The following PHF24 variants were observed in gnomAD, a reference collection of about 807,000 sequenced individuals.
The protein encoded by PHF24 is PHD finger protein 24.
In PHF24, 25 loss-of-function variants were observed where a neutral mutation model predicts 42.6. The observed-to-expected ratio is 0.59, with a 90% CI of 0.43 to 0.82. The LOEUF (loss-of-function observed/expected upper bound fraction) is 0.82, where lower values mean the gene tolerates loss of function less well. PHF24 is among the 40% of genes least tolerant of loss of function. The pLI, the probability that PHF24 is intolerant of heterozygous loss-of-function variation, is 0.00. For missense variants in PHF24, 470 were observed against 538.1 expected (o/e 0.87, Z 1.25); for synonymous variants, 185 against 204.8 (o/e 0.90, Z 0.83).
chr9:34,933,169 A>G, the PHF24 span, among the ~76,000 whole-genome samples: 3 of 152,198 alleles, frequency 2.0e-5, no homozygotes, highest in Admixed American at 6.5e-5. Flanking sequence ...CTCCAAGAAC[A>G]ATGCCTGATA....
chr9:34,782,542 T>C, the PHF24 span, among the ~76,000 whole-genome samples: 1 of 152,220 alleles, frequency 6.6e-6, no homozygotes, highest in Non-Finnish European at 1.5e-5. Context: ...TGCCTTCCAG[T>C]CCAGTGACTC....
At chr9:34,871,338 A>G in the PHF24 span, among the ~76,000 whole-genome samples, 2 of 152,200 alleles carry the variant, frequency 1.3e-5, no homozygotes, top group Non-Finnish European at 2.9e-5. Flanking sequence ...TTTGGATAGC[A>G]GTCCTTTACC....
the PHF24 span, among the ~76,000 whole-genome samples, chr9:34,897,903 G>T: frequency 6.6e-6 from 1 of 152,058 alleles, no homozygotes; most frequent in African/African-American, 2.4e-5. Flanking sequence ...TAGCTCCAAC[G>T]TATCAGTGAG....
At chr9:34,888,943 G>C in the PHF24 span, 3 of 396,812 alleles carry the variant, frequency 7.6e-6, no homozygotes, top group Non-Finnish European at 1.3e-5. Flanking sequence ...GTGGAATGCT[G>C]ACCCATCTGA....
chr9:34,723,136 G>A, the PHF24 span: 1 of 1,402,832 alleles, frequency 7.1e-7, no homozygotes, highest in Non-Finnish European at 9.5e-7. Flanking sequence ...TCCTCTGGAG[G>A]GCTGCAGCAG....
chr9:34,832,501 T>G, the PHF24 span: 233 of 1,512,944 alleles, frequency 1.5e-4, 3 homozygotes, highest in South Asian at 2.9e-3. Context: ...CCTGTCGGCT[T>G]CTCTGTCTTA....
chr9:34,977,773 C>T (rs953221178), intron 7 of PHF24, 132 bp downstream of exon 7: 4 of 820,676 alleles, frequency 4.9e-6, no homozygotes, highest in Non-Finnish European at 5.9e-6. Context: ...TCCAAGAGTG[C>T]ACATTTGACC....
the PHF24 span, chr9:34,836,146 C>T: frequency 1.9e-5 from 8 of 425,274 alleles, no homozygotes; most frequent in South Asian, 1.4e-4. Flanking sequence ...TTCCCTAGTC[C>T]TGCAAGTCTA....
the PHF24 span, chr9:34,833,590 C>G: frequency 7.7e-6 from 12 of 1,549,980 alleles, no homozygotes; most frequent in South Asian, 1.4e-4. Flanking sequence ...TGGGAATTCC[C>G]CATTGTATCT....
the PHF24 span, among the ~76,000 whole-genome samples, chr9:34,766,065 G>T: frequency 3.3e-5 from 5 of 152,306 alleles, no homozygotes; most frequent in African/African-American, 1.2e-4. Flanking sequence ...TCTGCTGAGA[G>T]ATCCGCTGTT....
the PHF24 span, among the ~76,000 whole-genome samples, chr9:34,891,460 G>C: frequency 6.6e-6 from 1 of 152,190 alleles, no homozygotes; most frequent in Non-Finnish European, 1.5e-5. Flanking sequence ...TGCCACAGTG[G>C]ATCAGAGAAG....
At chr9:34,948,569 G>A in the PHF24 span, among the ~76,000 whole-genome samples, 1 of 152,174 alleles carries the variant, frequency 6.6e-6, no homozygotes, top group South Asian at 2.1e-4. Flanking sequence ...ACAAATGCCT[G>A]CAGTATTCAG....
At chr9:34,677,387 C>CTTTTTT in the PHF24 span, among the ~76,000 whole-genome samples, 8 of 110,942 alleles carry the variant, frequency 7.2e-5, no homozygotes, top group Non-Finnish European at 1.1e-4. Context: ...TCTTTGTAAA[C>CTTTTTT]TGTTTTTTTT....
chr9:34,742,755 G>A, the PHF24 span, among the ~76,000 whole-genome samples: 1 of 151,714 alleles, frequency 6.6e-6, no homozygotes, highest in Non-Finnish European at 1.5e-5. Flanking sequence ...TTTAAACAGG[G>A]TGAAAAATTA....
At chr9:34,833,477 T>C in the PHF24 span, 4 of 1,550,406 alleles carry the variant, frequency 2.6e-6, no homozygotes, top group East Asian at 9.8e-5. Flanking sequence ...GGGCAGTTCC[T>C]GGAGCAATGT....
the PHF24 span, among the ~76,000 whole-genome samples, chr9:34,774,688 G>A: frequency 5.9e-5 from 9 of 152,176 alleles, no homozygotes; most frequent in African/African-American, 1.7e-4. Flanking sequence ...CAGGAGAATC[G>A]CTTGAACCTG....
the PHF24 span, among the ~76,000 whole-genome samples, chr9:34,736,312 A>C: frequency 6.6e-6 from 1 of 152,086 alleles, no homozygotes; most frequent in Non-Finnish European, 1.5e-5. Context: ...AAAAAAGAAA[A>C]ACAACTTTTT....
At chr9:34,927,831 G>A in the PHF24 span, among the ~76,000 whole-genome samples, 1 of 152,056 alleles carries the variant, frequency 6.6e-6, no homozygotes, top group Non-Finnish European at 1.5e-5. Flanking sequence ...CCTTTCTTGT[G>A]GGATAGATGA....
chr9:34,695,018 T>C, the PHF24 span, among the ~76,000 whole-genome samples: 1 of 152,338 alleles, frequency 6.6e-6, no homozygotes, highest in African/African-American at 2.4e-5. Flanking sequence ...GTCTTTTGTA[T>C]GCTAATGAGA....
Sources: allele counts gnomAD v4.1 joint callset (sites outside exome capture counted in the v4.1 genomes callset), GRCh38; gene constraint gnomAD v4.1.1; transcripts MANE v1.5; gene names NCBI Gene and HGNC (gene_info 2026-07-23, HGNC 2026-07-21).